Variants in RBBP4 observed in about 807,000 individuals in gnomAD.
RBBP4 encodes the protein RB binding protein 4, chromatin remodeling factor.
RBBP4 carries 3 observed loss-of-function variants against 57.2 expected under a neutral mutation model. That is an observed-to-expected ratio of 0.05 (90% CI 0.02 to 0.14). RBBP4 has a LOEUF of 0.14. RBBP4 is among the 10% of genes least tolerant of loss of function. The pLI, the probability that RBBP4 is intolerant of heterozygous loss-of-function variation, is 1.00. For synonymous variants in RBBP4, 151 were observed against 171.5 expected (o/e 0.88, Z 0.93); for missense variants, 107 against 520.6 (o/e 0.21, Z 7.73).
chr1:32,651,836 A>C, intron 1 of RBBP4, 78 bp from the exon 2 acceptor site: 1 of 1,434,692 alleles, frequency 7.0e-7, no homozygotes, highest in Non-Finnish European at 9.6e-7. Context: ...AGGCTGTAGG[A>C]GTCATGCAGG....
intron 8 of RBBP4, among the ~76,000 whole-genome samples, chr1:32,670,435 G>A (rs1158226823): frequency 1.3e-5 from 2 of 151,744 alleles, no homozygotes; most frequent in East Asian, 3.8e-4. Flanking sequence ...CCTGCTCAAG[G>A]TTATCGCCCA....
intron 11 of RBBP4, among the ~76,000 whole-genome samples, chr1:32,674,752 G>A (rs1196757942): frequency 2.7e-5 from 4 of 148,240 alleles, no homozygotes; most frequent in Admixed American, 6.8e-5. Context: ...TTCTGAGACA[G>A]AGTCTCACTG....
At chr1:32,655,125 G>T (rs1648076927) in intron 2 of RBBP4, among the ~76,000 whole-genome samples, 1 of 152,052 alleles carries the variant, frequency 6.6e-6, no homozygotes, top group African/African-American at 2.4e-5. Context: ...AATAGTTGGG[G>T]CTACAGGCAC....
Position 32,669,187 on chromosome 1 carries a change from T to C in RBBP4, c.762-44T>C. ...TATCTTGTCTAAGTTTTATGTTTAG[T>C]CACCATTTCAAGGTTTTTTTCCTTT... On this transcript the variant is annotated intron_variant, in intron 6 of 11. Transcript: ENST00000373493. The surrounding 1 kb of genome is among the most constrained non-coding windows in gnomAD (Gnocchi z 4.9). The C allele has an allele frequency of 6.2e-7, 1 of 1,611,230 alleles. No individual in the cohort carries two copies. The highest frequency in any genetic ancestry group is 8.5e-7 in the Non-Finnish European group (1 of 1,179,160).
In RBBP4 at chr1:32,657,684, C is replaced by T. The variant is rs1179632945; in HGVS notation, c.310+112C>T. On this transcript the variant is annotated intron_variant, in intron 3 of 11. Transcript: ENST00000373493. ...ACAATATTTAAGGTTGAGGGAAAGC[C>T]TGAGTTTGCAATGGTAGGTATTTAT... is the stretch of plus-strand genomic sequence containing the variant. The T allele has an allele frequency of 9.4e-6, 12 of 1,273,822 alleles. 1 individual carries two copies. The East Asian group carries it at 2.3e-4, about 25-fold the overall frequency. The allele number at this position is 1,273,822 out of a possible 1,614,324, so 78.9% of individuals were successfully genotyped here.
intron 3 of RBBP4, among the ~76,000 whole-genome samples, chr1:32,664,464 G>A (rs563143663): frequency 1.3e-5 from 2 of 151,544 alleles, no homozygotes; most frequent in East Asian, 3.9e-4. Flanking sequence ...TTGTTTGTTT[G>A]TTTTTTGAGA....
chr1:32,651,785 C>T (rs1647720798), intron 1 of RBBP4, 129 bp from the exon 2 acceptor site: 3 of 1,135,840 alleles, frequency 2.6e-6, no homozygotes, highest in Non-Finnish European at 2.5e-6. Flanking sequence ...GTGGATGCCT[C>T]TGCCGTGGGG....
At chr1:32,658,377 G>T (rs1648237437) in intron 3 of RBBP4, among the ~76,000 whole-genome samples, 1 of 148,776 alleles carries the variant, frequency 6.7e-6, no homozygotes, top group Non-Finnish European at 1.5e-5. Context: ...AAAAAAAAAG[G>T]TTGAGAAACA....
At chr1:32,673,865 G>A (rs1648982059) in intron 11 of RBBP4, among the ~76,000 whole-genome samples, 2 of 152,102 alleles carry the variant, frequency 1.3e-5, no homozygotes, top group South Asian at 4.1e-4. Flanking sequence ...CTGGGAGGCC[G>A]AGGCGGGTGG....
rs192189160 is a variant in RBBP4 at position 32,671,010 on chromosome 1, T to C, written c.967-1440T>C. On this transcript the variant is annotated intron_variant, in intron 8 of 11. Coordinates refer to ENST00000373493, the MANE Select transcript of RBBP4 (RefSeq NM_005610.3). ...GGACAGAATCCAAATTCTTCCTTAA[T>C]TGCTGGTCACTAATGCCCTCTTTTT... Among the ~76,000 whole-genome samples, 316 of 152,306 alleles carry C rather than the reference T, an allele frequency of 2.1e-3. 3 individuals carry two copies. The highest frequency in any genetic ancestry group is 7.2e-3 in the African/African-American group (300 of 41,574).
rs1191871808 is a variant in RBBP4 at position 32,680,150 on chromosome 1, C to G, written c.*445C>G. ...GGGGGAGATTCAAGTCATATAGATT[C>G]CTACTCGAAAATCTTGACACCTGAC... On this transcript the variant is annotated 3_prime_UTR_variant, in exon 12 of 12. Transcript: ENST00000373493. 2 of 1,076,410 alleles carry G rather than the reference C, an allele frequency of 1.9e-6. No individual in the cohort carries two copies. The highest frequency in any genetic ancestry group is 3.5e-5 in the African/African-American group (2 of 56,736). 66.7% of individuals were successfully genotyped at this position (1,076,410 alleles called of 1,614,324 possible).
intron 2 of RBBP4, among the ~76,000 whole-genome samples, chr1:32,653,554 T>C (rs1389786952): frequency 4.2e-5 from 6 of 143,178 alleles, no homozygotes; most frequent in South Asian, 4.4e-4. Context: ...TAGGGAAATG[T>C]GTCCTAGGGA....
chr1:32,673,342 C>T (rs12022735), intron 11 of RBBP4: 14,100 of 344,112 alleles, frequency 0.041, 505 homozygotes, highest in Admixed American at 0.11. Flanking sequence ...TATCATATCA[C>T]AGCATCAAAT....
At chr1:32,658,519 T>A (rs1748046) in intron 3 of RBBP4, among the ~76,000 whole-genome samples, 125,231 of 151,064 alleles carry the variant, frequency 0.83, 54,390 homozygotes, top group Non-Finnish European at 0.96. Context: ...ACCTAAGGGT[T>A]TAACTGCTCA....
rs1431159158 is a variant in RBBP4 at position 32,681,497 on chromosome 1, TAC to T, written c.*1794_*1795del. 2 of 279,272 alleles carry T rather than the reference TAC, an allele frequency of 7.2e-6. No individual in the cohort carries two copies. The highest frequency in any genetic ancestry group is 1.0e-4 in the Admixed American group (2 of 19,414). The allele number at this position is 279,272 out of a possible 1,614,324, so 17.3% of individuals were successfully genotyped here. A position where few individuals can be genotyped will look rare whatever the true frequency, so the allele number is the denominator to read the frequency against. On this transcript the variant is annotated 3_prime_UTR_variant, in exon 12 of 12. Coordinates refer to ENST00000373493, the MANE Select transcript of RBBP4 (RefSeq NM_005610.3). The stretch of plus-strand genomic sequence containing the variant: ...TGGTTTGGGTCAACACAAGGCAAGA[TAC>T]ATTCTTTAAAATACTCCCAGATGTG...
intron 2 of RBBP4, 171 bp downstream of exon 2, chr1:32,652,232 C>G: frequency 1.3e-6 from 1 of 743,108 alleles, no homozygotes. Flanking sequence ...GATTTTGTAA[C>G]TTACCTGACA....
chr1:32,654,847 C>T (rs1277318275), intron 2 of RBBP4, among the ~76,000 whole-genome samples: 1 of 152,104 alleles, frequency 6.6e-6, no homozygotes, highest in Non-Finnish European at 1.5e-5. Flanking sequence ...GCACCCGCCA[C>T]CACGCCCAGC....
Position 32,669,406 on chromosome 1 carries a change from T to G in RBBP4, c.888+49T>G. 1 of 1,572,560 alleles carries G rather than the reference T, an allele frequency of 6.4e-7. No individual in the cohort carries two copies. The highest frequency in any genetic ancestry group is 8.6e-7 in the Non-Finnish European group (1 of 1,167,154). ...AAAACATAATTTCTCTAGGTTTTTT[T>G]GAATTGCAGAGATATTTTACTTACA... On this transcript the variant is annotated intron_variant, in intron 7 of 11. Transcript: ENST00000373493. The surrounding 1 kb of genome is among the most constrained non-coding windows in gnomAD (Gnocchi z 4.9).
intron 3 of RBBP4, among the ~76,000 whole-genome samples, chr1:32,665,653 G>A (rs1027473734): frequency 2.0e-5 from 3 of 148,618 alleles, no homozygotes; most frequent in Non-Finnish European, 4.4e-5. Context: ...ACTCCAGTCT[G>A]GGTGACAGAG....
Sources: gnomAD v4.1 joint callset for allele counts (sites outside exome capture counted in the v4.1 genomes callset) on GRCh38, gnomAD v4.1.1 for gene constraint, Gnocchi (gnomAD v3.1) non-coding constraint, MANE v1.5 for transcripts, NCBI Gene and HGNC (gene_info 2026-07-23, HGNC 2026-07-21) for gene names.